Variants in B3GALT1 observed in about 807,000 individuals in gnomAD.
B3GALT1 encodes the protein beta-1,3-galactosyltransferase 1.
A neutral mutation model predicts 23.2 loss-of-function variants in B3GALT1; 10 were observed. The ratio of observed to expected loss-of-function variants is 0.43; its 90% confidence interval spans 0.27 to 0.73. B3GALT1 has a LOEUF of 0.73. B3GALT1 is among the 30% of genes least tolerant of loss of function. B3GALT1 has a pLI of 0.21. For synonymous variants in B3GALT1, 156 were observed against 141.5 expected (o/e 1.10, Z -0.73); for missense variants, 299 against 405.4 (o/e 0.74, Z 2.25).
chr2:167,315,313 A>C (rs907271475), intron 1 of B3GALT1, among the ~76,000 whole-genome samples: 3 of 152,172 alleles, frequency 2.0e-5, no homozygotes, highest in African/African-American at 7.2e-5. Context: ...AATTATTTTC[A>C]TATAGACTTA....
intron 2 of B3GALT1, among the ~76,000 whole-genome samples, chr2:167,506,714 C>T (rs1699923354): frequency 6.6e-6 from 1 of 152,160 alleles, no homozygotes; most frequent in Non-Finnish European, 1.5e-5. Flanking sequence ...ATATAAGTAG[C>T]ATGTGGCATA....
At chr2:167,413,523 CT>C (rs1489218126) in intron 1 of B3GALT1, among the ~76,000 whole-genome samples, 4 of 151,792 alleles carry the variant, frequency 2.6e-5, no homozygotes, top group Non-Finnish European at 5.9e-5. Flanking sequence ...TCAGTTAATC[CT>C]ATATATTTTG....
intron 2 of B3GALT1, among the ~76,000 whole-genome samples, chr2:167,524,502 T>C (rs188998031): frequency 4.6e-5 from 7 of 152,294 alleles, no homozygotes; most frequent in African/African-American, 1.4e-4. Flanking sequence ...TCTGAATGTT[T>C]TGTAAAAATG....
chr2:167,644,651 G>A (rs1215658927), intron 2 of B3GALT1, among the ~76,000 whole-genome samples: 1 of 151,588 alleles, frequency 6.6e-6, no homozygotes, highest in African/African-American at 2.4e-5. Flanking sequence ...ATGGTGGTGG[G>A]GGCCTGTAGT....
intron 2 of B3GALT1, among the ~76,000 whole-genome samples, chr2:167,551,715 C>T (rs1164754011): frequency 1.3e-5 from 2 of 152,100 alleles, no homozygotes; most frequent in East Asian, 3.9e-4. Context: ...TCTAATTTAA[C>T]CACCCAGACG....
chr2:167,350,930 A>G (rs1027907901), intron 1 of B3GALT1, among the ~76,000 whole-genome samples: 5 of 152,194 alleles, frequency 3.3e-5, no homozygotes, highest in Non-Finnish European at 4.4e-5. Context: ...GGCTGCATGC[A>G]TATGTTATTC....
chr2:167,658,144 G>C (rs1685988410), intron 3 of B3GALT1, among the ~76,000 whole-genome samples: 1 of 152,042 alleles, frequency 6.6e-6, no homozygotes, highest in Non-Finnish European at 1.5e-5. Flanking sequence ...TGGGGAAAAG[G>C]GTATGAACAA....
At chr2:167,612,811 T>C (rs1485520415) in intron 2 of B3GALT1, among the ~76,000 whole-genome samples, 4 of 152,096 alleles carry the variant, frequency 2.6e-5, no homozygotes, top group South Asian at 2.1e-4. Flanking sequence ...ATTTACTAGC[T>C]TGAGCAATTC....
intron 1 of B3GALT1, among the ~76,000 whole-genome samples, chr2:167,467,297 A>G (rs970979164): frequency 3.3e-5 from 5 of 152,070 alleles, no homozygotes; most frequent in African/African-American, 7.2e-5. Context: ...AAACCCAAGT[A>G]TTCTTTTGGG....
intron 2 of B3GALT1, among the ~76,000 whole-genome samples, chr2:167,507,808 C>G (rs1302259542): frequency 6.6e-6 from 1 of 152,112 alleles, no homozygotes; most frequent in Non-Finnish European, 1.5e-5. Context: ...CATTGCAAGA[C>G]AAATCATAAT....
intron 2 of B3GALT1, among the ~76,000 whole-genome samples, chr2:167,514,449 C>G (rs1574112917): frequency 6.6e-6 from 1 of 152,230 alleles, no homozygotes; most frequent in East Asian, 1.9e-4. Flanking sequence ...AAGAATATCC[C>G]TTCTCTGTCT....
chr2:167,747,559 G>A (rs1687671305), intron 3 of B3GALT1, among the ~76,000 whole-genome samples: 2 of 152,200 alleles, frequency 1.3e-5, no homozygotes, highest in South Asian at 2.1e-4. Context: ...AAAACAACTA[G>A]AGGTTAAAGA....
At chr2:167,665,372 T>A (rs1686156556) in intron 3 of B3GALT1, among the ~76,000 whole-genome samples, 1 of 139,562 alleles carries the variant, frequency 7.2e-6, no homozygotes, top group Non-Finnish European at 1.5e-5. Context: ...TGCCAGTATT[T>A]TATTGAGGAT....
At chr2:167,614,905 A>G (rs1275308637) in intron 2 of B3GALT1, among the ~76,000 whole-genome samples, 1 of 151,972 alleles carries the variant, frequency 6.6e-6, no homozygotes, top group Non-Finnish European at 1.5e-5. Context: ...AGATAGATAG[A>G]TATATTTACT....
chr2:167,426,809 A>G (rs1488022190), intron 1 of B3GALT1, among the ~76,000 whole-genome samples: 2 of 152,236 alleles, frequency 1.3e-5, no homozygotes, highest in Non-Finnish European at 2.9e-5. Context: ...AAAATGATGT[A>G]GCATTATCAA....
At chr2:167,684,018 A>G (rs910033530) in intron 3 of B3GALT1, among the ~76,000 whole-genome samples, 1 of 152,138 alleles carries the variant, frequency 6.6e-6, no homozygotes, top group Admixed American at 6.5e-5. Flanking sequence ...TGGTCCAGCA[A>G]ACCTTTCTGT....
intron 4 of B3GALT1, among the ~76,000 whole-genome samples, chr2:167,829,794 G>C (rs1179296440): frequency 6.6e-6 from 1 of 152,164 alleles, no homozygotes; most frequent in Admixed American, 6.5e-5. Context: ...AGTCCTCTGA[G>C]ATGCGCGGAG....
At chr2:167,621,138 G>A (rs1400484636) in intron 2 of B3GALT1, among the ~76,000 whole-genome samples, 1 of 139,930 alleles carries the variant, frequency 7.1e-6, no homozygotes, top group African/African-American at 2.7e-5. Context: ...ACCCAGGCTG[G>A]AGTGCAGTGG....
At chr2:167,795,382 T>A (rs1487369572) in intron 3 of B3GALT1, among the ~76,000 whole-genome samples, 1 of 152,208 alleles carries the variant, frequency 6.6e-6, no homozygotes, top group Non-Finnish European at 1.5e-5. Context: ...AGCCACAGAA[T>A]AACTCACTTT....
Sources: gnomAD v4.1 joint callset for allele counts (sites outside exome capture counted in the v4.1 genomes callset) on GRCh38, gnomAD v4.1.1 for gene constraint, MANE v1.5 for transcripts, NCBI Gene and HGNC (gene_info 2026-07-23, HGNC 2026-07-21) for gene names.